The following TMEM132D variants were observed in gnomAD, a reference collection of about 807,000 sequenced individuals.
The protein encoded by TMEM132D is transmembrane protein 132D, also known as mature OL transmembrane protein.
In TMEM132D, 21 loss-of-function variants were observed where a neutral mutation model predicts 62.3. That is an observed-to-expected ratio of 0.34 (90% CI 0.24 to 0.49). TMEM132D has a LOEUF of 0.49. Among genes scored for constraint, TMEM132D ranks in the 20% least tolerant of loss-of-function variants. The probability of loss-of-function intolerance (pLI) is 0.99; values close to 1 mark genes in which losing one functional copy is unlikely to be tolerated. For missense variants in TMEM132D, 1,346 were observed against 1,402.8 expected, an observed-to-expected ratio of 0.96 and a Z score of 0.65; for synonymous variants, 621 against 575.6, an observed-to-expected ratio of 1.08 and a Z score of -1.13.
intron 3 of TMEM132D, among the ~76,000 whole-genome samples, chr12:129,435,002 C>G (rs1002128968): frequency 5.3e-5 from 8 of 152,190 alleles, no homozygotes; most frequent in African/African-American, 1.9e-4. Context: ...GTAACCTCTA[C>G]TTTACTGTGT....
At chr12:129,881,167 A>C (rs1874579942) in intron 1 of TMEM132D, among the ~76,000 whole-genome samples, 1 of 152,114 alleles carries the variant, frequency 6.6e-6, no homozygotes, top group Non-Finnish European at 1.5e-5. Context: ...AATAATCCTA[A>C]ATGTATATGC....
rs80322331 is a variant in TMEM132D at position 129,617,095 on chromosome 12, C to T, written c.968+82715G>A. The stretch of plus-strand genomic sequence containing the variant: ...TCCTGTACTGCCAGAGTTCTGAAAG[C>T]AATTTTTATTTTGTCCTTGAGATGC... On this transcript the variant is annotated intron_variant, in intron 2 of 8. Transcript: ENST00000422113. 7.9e-4 allele frequency among the ~76,000 whole-genome samples: 120 copies of T among 152,264 alleles called. 1 individual carries two copies. The highest frequency in any genetic ancestry group is 2.8e-3 in the African/African-American group (116 of 41,550).
At chr12:129,642,118 T>C (rs1159651604) in intron 2 of TMEM132D, among the ~76,000 whole-genome samples, 4 of 152,034 alleles carry the variant, frequency 2.6e-5, no homozygotes, top group Non-Finnish European at 5.9e-5. Context: ...CCAGGATTAA[T>C]TGAGGAAGTC....
At chr12:129,429,269 G>A (rs190787766) in intron 3 of TMEM132D, among the ~76,000 whole-genome samples, 23 of 152,350 alleles carry the variant, frequency 1.5e-4, no homozygotes, top group African/African-American at 4.6e-4. Context: ...AGAGTTAGAC[G>A]AGCTGAATCT....
chr12:129,748,424 G>A (rs949918445), intron 1 of TMEM132D, among the ~76,000 whole-genome samples: 7 of 152,184 alleles, frequency 4.6e-5, no homozygotes, highest in South Asian at 2.1e-4. Flanking sequence ...ACCAGACAGG[G>A]AGGATGTGAG....
At chr12:129,807,379 G>C (rs910562986) in intron 1 of TMEM132D, among the ~76,000 whole-genome samples, 1 of 152,160 alleles carries the variant, frequency 6.6e-6, no homozygotes, top group South Asian at 2.1e-4. Flanking sequence ...CCAGGTGGCA[G>C]CCACCAAAGA....
chr12:129,404,802 A>G (rs1222531656), intron 3 of TMEM132D, among the ~76,000 whole-genome samples: 1 of 151,976 alleles, frequency 6.6e-6, no homozygotes, highest in East Asian at 1.9e-4. Flanking sequence ...TGTCCCCACG[A>G]TCTGATCACC....
At chr12:129,357,176 G>C (rs1315696514) in intron 3 of TMEM132D, among the ~76,000 whole-genome samples, 1 of 151,142 alleles carries the variant, frequency 6.6e-6, no homozygotes, top group East Asian at 2.0e-4. Flanking sequence ...GGACCCAGGA[G>C]GTGGAGCTTG....
intron 5 of TMEM132D, among the ~76,000 whole-genome samples, chr12:129,167,731 T>A (rs1197400984): frequency 6.6e-6 from 1 of 151,934 alleles, no homozygotes; most frequent in Non-Finnish European, 1.5e-5. Context: ...CTATTTAATA[T>A]TAAAATAATT....
intron 5 of TMEM132D, among the ~76,000 whole-genome samples, chr12:129,104,471 C>G (rs957579743): frequency 1.4e-4 from 21 of 152,352 alleles, no homozygotes; most frequent in Admixed American, 1.2e-3. Flanking sequence ...CCATTCAGGA[C>G]ATAGGCATGG....
In TMEM132D at chr12:129,100,994, G is replaced by A. The variant is rs143753479; in HGVS notation, c.1444-16292C>T. On this transcript the variant is annotated intron_variant, in intron 5 of 8. Transcript: ENST00000422113. ...AGCTCTGCAGTGCCAGTCAAGGCAG[G>A]GATCGAAGCTCTGTGGCACCAGTTG... Among the ~76,000 whole-genome samples, 536 of 152,208 alleles carry A rather than the reference G, an allele frequency of 3.5e-3. 2 individuals are homozygous for A. Among genetic ancestry groups the A allele is most frequent in the African/African-American group, 0.012 (518 of 41,532 alleles).
intron 5 of TMEM132D, among the ~76,000 whole-genome samples, chr12:129,167,680 G>A (rs180792880): frequency 4.9e-4 from 75 of 151,898 alleles, no homozygotes; most frequent in African/African-American, 1.8e-3. Flanking sequence ...CTGTGGAATT[G>A]GCACAATACT....
intron 1 of TMEM132D, among the ~76,000 whole-genome samples, chr12:129,716,088 C>G (rs539795956): frequency 1.3e-5 from 2 of 152,184 alleles, no homozygotes; most frequent in Admixed American, 6.5e-5. Context: ...TCACGTGCAT[C>G]GTCCTAAAGT....
intron 4 of TMEM132D, among the ~76,000 whole-genome samples, chr12:129,325,722 G>C (rs1566034290): frequency 1.3e-5 from 2 of 152,310 alleles, no homozygotes; most frequent in South Asian, 2.1e-4. Flanking sequence ...CAATTCAAGA[G>C]GCAAGGAATC....
intron 2 of TMEM132D, among the ~76,000 whole-genome samples, chr12:129,549,499 G>T (rs1333032770): frequency 6.6e-6 from 1 of 152,192 alleles, no homozygotes. Flanking sequence ...CTTTGGCTTG[G>T]TTCTCATTCT....
chr12:129,791,854 T>C (rs138915896), intron 1 of TMEM132D, among the ~76,000 whole-genome samples: 8 of 152,260 alleles, frequency 5.3e-5, no homozygotes, highest in African/African-American at 1.9e-4. Context: ...ACTTAGACAA[T>C]CCACAGACCT....
At chr12:129,183,911 C>A (rs1878139937) in intron 5 of TMEM132D, among the ~76,000 whole-genome samples, 1 of 152,182 alleles carries the variant, frequency 6.6e-6, no homozygotes. Flanking sequence ...GCTGTCAGTT[C>A]AACAGAGACC....
chr12:129,707,284 T>G (rs370017764), intron 1 of TMEM132D, among the ~76,000 whole-genome samples: 29 of 149,746 alleles, frequency 1.9e-4, no homozygotes, highest in South Asian at 1.7e-3. Flanking sequence ...TGTGATAGAT[T>G]GTTAAAAAAT....
chr12:129,274,798 A>C (rs1253342866), intron 4 of TMEM132D, among the ~76,000 whole-genome samples: 2 of 152,014 alleles, frequency 1.3e-5, no homozygotes, highest in African/African-American at 2.4e-5. Flanking sequence ...GAGGCAGGAG[A>C]ATGGCGTGAA....
Sources: allele counts gnomAD v4.1 joint callset (sites outside exome capture counted in the v4.1 genomes callset), GRCh38; gene constraint gnomAD v4.1.1; transcripts MANE v1.5; gene names NCBI Gene and HGNC (gene_info 2026-07-23, HGNC 2026-07-21).